Variants in PLXNA4 observed in about 807,000 individuals in gnomAD.
PLXNA4 encodes the protein plexin-A4.
A neutral mutation model predicts 191.8 loss-of-function variants in PLXNA4; 44 were observed. The ratio of observed to expected loss-of-function variants is 0.23; its 90% CI spans 0.18 to 0.29. PLXNA4 has a LOEUF of 0.29. Among genes scored for constraint, PLXNA4 ranks in the 10% least tolerant of loss-of-function variants. The pLI is 1.00. For synonymous variants in PLXNA4, 1,082 were observed against 1,009.5 expected, an observed-to-expected ratio of 1.07 and a Z score of -1.36; for missense variants, 1,800 against 2,488.8, an observed-to-expected ratio of 0.72 and a Z score of 5.89.
At chr7:132,403,623 T>C (rs1794087880) in intron 3 of PLXNA4, among the ~76,000 whole-genome samples, 1 of 152,140 alleles carries the variant, frequency 6.6e-6, no homozygotes, top group East Asian at 1.9e-4. Flanking sequence ...TTTTTTCCCT[T>C]CCTGGCCTGG....
intron 9 of PLXNA4, among the ~76,000 whole-genome samples, chr7:132,222,280 G>A (rs1584864817): frequency 6.6e-6 from 1 of 152,238 alleles, no homozygotes; most frequent in African/African-American, 2.4e-5. Context: ...ACTACCCACC[G>A]TGCTATGGGA....
At chr7:132,230,291 AG>A (rs1798481687) in intron 5 of PLXNA4, among the ~76,000 whole-genome samples, 1 of 152,172 alleles carries the variant, frequency 6.6e-6, no homozygotes, top group Admixed American at 6.5e-5. Context: ...CTGAGGAGTA[AG>A]GGGCAGACCC....
intron 3 of PLXNA4, among the ~76,000 whole-genome samples, chr7:132,379,979 C>T (rs965498737): frequency 2.0e-5 from 3 of 152,166 alleles, no homozygotes; most frequent in African/African-American, 7.2e-5. Flanking sequence ...CCACCGTCAC[C>T]CCTCACTGCC....
chr7:132,366,026 T>C (rs886657633), intron 3 of PLXNA4: 1 of 152,032 alleles, frequency 6.6e-6, no homozygotes, highest in Non-Finnish European at 1.5e-5. Flanking sequence ...TTAAGAGAAA[T>C]TGGAAGAAAC....
At chr7:132,351,573 C>T (rs1439931175) in intron 3 of PLXNA4, among the ~76,000 whole-genome samples, 1 of 152,200 alleles carries the variant, frequency 6.6e-6, no homozygotes. Flanking sequence ...CCTTTCTCAT[C>T]CAAAGGTGCA....
chr7:132,274,732 C>T (rs1345015897), intron 4 of PLXNA4, among the ~76,000 whole-genome samples: 3 of 149,914 alleles, frequency 2.0e-5, no homozygotes, highest in South Asian at 2.1e-4. Context: ...GCACGAATAC[C>T]ACAGAAATGA....
intron 3 of PLXNA4, among the ~76,000 whole-genome samples, chr7:132,445,077 C>A (rs2117267781): frequency 6.9e-6 from 1 of 145,304 alleles, no homozygotes; most frequent in East Asian, 2.1e-4. Flanking sequence ...ATGGTGTGAA[C>A]CCAGGAGGCG....
intron 3 of PLXNA4, among the ~76,000 whole-genome samples, chr7:132,331,879 G>A (rs960854125): frequency 6.6e-6 from 1 of 152,138 alleles, no homozygotes; most frequent in Non-Finnish European, 1.5e-5. Flanking sequence ...TGTGGCTAGA[G>A]ACATTAATGC....
intron 2 of PLXNA4, among the ~76,000 whole-genome samples, chr7:132,644,061 A>G (rs1309282682): frequency 6.6e-6 from 1 of 152,216 alleles, no homozygotes; most frequent in African/African-American, 2.4e-5. Context: ...ATAGTGGGTC[A>G]TCGGTAAAAT....
chr7:132,609,849 G>A (rs951896230), intron 2 of PLXNA4, among the ~76,000 whole-genome samples: 39 of 152,160 alleles, frequency 2.6e-4, no homozygotes, highest in African/African-American at 8.7e-4. Context: ...TTGACTCTGC[G>A]TCCTGTAGGG....
At chr7:132,203,459 TCA>T in intron 10 of PLXNA4, 40 bp from the exon 11 acceptor site, 3 of 1,570,848 alleles carry the variant, frequency 1.9e-6, no homozygotes, top group Non-Finnish European at 2.6e-6. Flanking sequence ...GAAAGTGGGG[TCA>T]CAGAGAGTTC....
intron 10 of PLXNA4, among the ~76,000 whole-genome samples, chr7:132,205,945 A>G (rs1797602053): frequency 6.6e-6 from 1 of 152,210 alleles, no homozygotes; most frequent in Non-Finnish European, 1.5e-5. Context: ...CTACATACAT[A>G]TGCATGTGAG....
At chr7:132,375,282 G>C (rs1458390618) in intron 3 of PLXNA4, among the ~76,000 whole-genome samples, 62 of 142,236 alleles carry the variant, frequency 4.4e-4, no homozygotes, top group South Asian at 1.1e-3. Context: ...ACTCCATCCC[G>C]CCCCCCCCCA....
intron 3 of PLXNA4, among the ~76,000 whole-genome samples, chr7:132,322,735 A>G (rs1802222426): frequency 6.6e-6 from 1 of 152,158 alleles, no homozygotes; most frequent in Non-Finnish European, 1.5e-5. Flanking sequence ...TGCTGTATGT[A>G]TTTTTAAACT....
intron 1 of PLXNA4, among the ~76,000 whole-genome samples, chr7:132,570,647 C>T (rs954426618): frequency 4.6e-5 from 7 of 152,216 alleles, no homozygotes; most frequent in African/African-American, 1.7e-4. Flanking sequence ...TGCTTCTCTC[C>T]TCATACTTCA....
At chr7:132,238,797 A>G (rs915298831) in intron 5 of PLXNA4, among the ~76,000 whole-genome samples, 3 of 151,778 alleles carry the variant, frequency 2.0e-5, no homozygotes, top group East Asian at 1.9e-4. Flanking sequence ...ATCACCAGGG[A>G]TCAACAGAGT....
intron 1 of PLXNA4, among the ~76,000 whole-genome samples, chr7:132,555,166 C>T (rs1800748224): frequency 6.6e-6 from 1 of 152,002 alleles, no homozygotes; most frequent in Non-Finnish European, 1.5e-5. Flanking sequence ...GATGGCTGAT[C>T]TGAGCACAGA....
At chr7:132,204,426 G>A (rs1036152585) in intron 10 of PLXNA4, among the ~76,000 whole-genome samples, 2 of 152,210 alleles carry the variant, frequency 1.3e-5, no homozygotes, top group Non-Finnish European at 2.9e-5. Context: ...TCGCCACAAG[G>A]GGCAGGATGG....
intron 10 of PLXNA4, 98 bp downstream of exon 10, chr7:132,210,845 A>G (rs1797775448): frequency 1.5e-6 from 2 of 1,360,256 alleles, no homozygotes; most frequent in South Asian, 2.6e-5. Context: ...TGTTGAGGAA[A>G]CGACTGCAGG....
Sources: allele counts gnomAD v4.1 joint callset (sites outside exome capture counted in the v4.1 genomes callset), GRCh38; gene constraint gnomAD v4.1.1; transcripts MANE v1.5; gene names NCBI Gene and HGNC (gene_info 2026-07-23, HGNC 2026-07-21).